Variants in PTPN12 observed in about 807,000 individuals in gnomAD.
The protein encoded by PTPN12 is protein tyrosine phosphatase non-receptor type 12, also known as tyrosine-protein phosphatase non-receptor type 12.
A neutral mutation model predicts 97.6 loss-of-function variants in PTPN12; 29 were observed. That is an observed-to-expected ratio of 0.30 (90% CI 0.22 to 0.41). PTPN12 has a LOEUF of 0.41. Ranked by LOEUF, PTPN12 falls within the 10% of genes least tolerant of loss-of-function variation. The pLI is 1.00. For synonymous variants in PTPN12, 327 were observed against 300.4 expected, an observed-to-expected ratio of 1.09 and a Z score of -0.91; for missense variants, 819 against 926.0, an observed-to-expected ratio of 0.88 and a Z score of 1.50.
chr7:77,601,791 A>G (rs982580963), intron 8 of PTPN12, among the ~76,000 whole-genome samples: 6 of 152,314 alleles, frequency 3.9e-5, no homozygotes, highest in South Asian at 2.1e-4. Flanking sequence ...ACTTCCTGTC[A>G]TATCATGAAA....
intron 12 of PTPN12, among the ~76,000 whole-genome samples, chr7:77,625,239 T>C (rs1188597890): frequency 1.3e-5 from 2 of 151,128 alleles, no homozygotes; most frequent in African/African-American, 4.9e-5. Flanking sequence ...TAGTAAACCC[T>C]ATCTTCTTCT....
intron 12 of PTPN12, among the ~76,000 whole-genome samples, chr7:77,619,770 T>A (rs1174447476): frequency 6.6e-6 from 1 of 152,186 alleles, no homozygotes; most frequent in Non-Finnish European, 1.5e-5. Flanking sequence ...AGTAACAGAT[T>A]TTTTAAGTGT....
chr7:77,625,933 A>G (rs1420170046), intron 12 of PTPN12, among the ~76,000 whole-genome samples: 3 of 152,150 alleles, frequency 2.0e-5, no homozygotes, highest in Non-Finnish European at 2.9e-5. Context: ...ACAAAGGAGT[A>G]TACCCAGAAA....
chr7:77,623,380 G>A (rs1789014378), intron 12 of PTPN12, among the ~76,000 whole-genome samples: 1 of 152,194 alleles, frequency 6.6e-6, no homozygotes, highest in Admixed American at 6.5e-5. Context: ...TACTGTTAAG[G>A]ATATATGGGG....
intron 5 of PTPN12, among the ~76,000 whole-genome samples, chr7:77,589,164 A>G (rs537372405): frequency 2.6e-4 from 39 of 152,260 alleles, no homozygotes; most frequent in African/African-American, 8.4e-4. Flanking sequence ...ATATAATCCC[A>G]TGTAATCCAC....
chr7:77,627,553 C>T lies in PTPN12; in HGVS notation c.1874C>T (p.Ser625Leu). The T allele has an allele frequency of 6.2e-7, 1 of 1,614,050 alleles. No individual in the cohort carries two copies. The change falls in exon 13 of 18, where the codon TCA becomes TTA. Residue 625 changes from serine to leucine, a missense_variant. By Grantham distance (145) the Ser-to-Leu change is moderately radical. Around this residue, in one of 5 missense-constraint regions of PTPN12, gnomAD observed 607 missense variants for 577.3 expected, o/e 1.05. Transcript: ENST00000248594. Reference sequence around the variant, plus strand: ...GTGACCCAGAATAAAACTAATATTTCAACAGCAAGTGCCACAGTTTCTGCT... The same window carrying T: ...GTGACCCAGAATAAAACTAATATTTTAACAGCAAGTGCCACAGTTTCTGCT... ...GAVTQNKTNI[S>L]TASATVSAAT...
At chr7:77,540,616 A>G (rs989042636) in intron 1 of PTPN12, among the ~76,000 whole-genome samples, 1 of 148,400 alleles carries the variant, frequency 6.7e-6, no homozygotes, top group Non-Finnish European at 1.5e-5. Context: ...TACATTAGAG[A>G]TTTGATGACT....
At chr7:77,610,888 T>G in intron 10 of PTPN12, 46 bp downstream of exon 10, 2 of 1,582,372 alleles carry the variant, frequency 1.3e-6, no homozygotes. Flanking sequence ...TTATAAATGC[T>G]TTCTTCTTTT....
intron 1 of PTPN12, among the ~76,000 whole-genome samples, chr7:77,549,454 CTA>C (rs1584093069): frequency 6.6e-6 from 1 of 151,948 alleles, no homozygotes; most frequent in East Asian, 1.9e-4. Flanking sequence ...GTGTAGCAAA[CTA>C]AAATTAAGAT....
At chr7:77,538,537 C>T (rs957394833) in intron 1 of PTPN12, among the ~76,000 whole-genome samples, 1 of 151,924 alleles carries the variant, frequency 6.6e-6, no homozygotes, top group Non-Finnish European at 1.5e-5. Flanking sequence ...CCCAGCGCCC[C>T]CCCGCCTCCG....
Position 77,638,605 on chromosome 7 carries a change from G to A in PTPN12, c.2174-19G>A. On this transcript the variant is annotated intron_variant, in intron 16 of 17. Coordinates refer to ENST00000248594, the MANE Select transcript of PTPN12 (RefSeq NM_002835.4). ...CTACAAAGGATGGTGATTAACAAAG[G>A]CTTTGTGTTGCTACTTAGATCATCC... is the stretch of plus-strand genomic sequence containing the variant. 1.3e-6 allele frequency: 2 copies of A among 1,563,976 alleles called. No homozygotes were observed. The highest frequency in any genetic ancestry group is 1.7e-6 in the Non-Finnish European group (2 of 1,161,242).
intron 1 of PTPN12, among the ~76,000 whole-genome samples, chr7:77,564,746 G>GGTTTTTTTTTTT (rs1808162192): frequency 4.4e-5 from 2 of 45,370 alleles, no homozygotes; most frequent in African/African-American, 1.8e-4. Context: ...TTGTTGTCGT[G>GGTTTTTTTTTTT]TTTTTTTTTT....
chr7:77,571,466 G>C (rs1347934998), intron 2 of PTPN12, among the ~76,000 whole-genome samples: 1 of 151,924 alleles, frequency 6.6e-6, no homozygotes, highest in Non-Finnish European at 1.5e-5. Flanking sequence ...TCAACTCTCT[G>C]TTCAAAGATG....
At chr7:77,603,161 A>C (rs1266856835) in intron 8 of PTPN12, among the ~76,000 whole-genome samples, 2 of 152,198 alleles carry the variant, frequency 1.3e-5, no homozygotes, top group African/African-American at 4.8e-5. Context: ...ATTAAGTAGG[A>C]TTGACCAGTT....
chr7:77,565,504 A>G (rs915807136), intron 1 of PTPN12, among the ~76,000 whole-genome samples: 28 of 152,358 alleles, frequency 1.8e-4, no homozygotes, highest in African/African-American at 5.8e-4. Flanking sequence ...CTATTTGGGC[A>G]TGTTTGTGAT....
Position 77,610,979 on chromosome 7 carries a change from C to A in PTPN12, c.872C>A (p.Ala291Asp). The A allele has an allele frequency of 6.2e-7, 1 of 1,613,206 alleles. No individual in the cohort carries two copies. The highest frequency in any genetic ancestry group is 8.5e-7 in the Non-Finnish European group (1 of 1,179,596). The change falls in exon 11 of 18, where the codon GCC becomes GAC. Residue 291 changes from alanine to aspartate, a missense_variant. By Grantham distance (126) the Ala-to-Asp change is moderately radical. This residue lies in a region of PTPN12 where 607 missense variants were observed against 577.3 expected (regional missense o/e 1.05). Coordinates refer to ENST00000248594, the MANE Select transcript of PTPN12 (RefSeq NM_002835.4). ...EQYELVHRAI[A>D]QLFEKQLQLY... Reference sequence around the variant, plus strand: ...TATGAACTTGTTCATAGAGCTATTGCCCAACTGTTTGAAAAACAGCTACAA... The same window carrying A: ...TATGAACTTGTTCATAGAGCTATTGACCAACTGTTTGAAAAACAGCTACAA...
rs751962814 is a variant in PTPN12 at position 77,605,409 on chromosome 7, G to GTTTTTTTTTTTTTTTTTTTT, written c.696-1817_696-1798dup. 3.1e-5 allele frequency among the ~76,000 whole-genome samples: 3 copies of GTTTTTTTTTTTTTTTTTTTT among 95,560 alleles called. 1 individual carries two copies. Among genetic ancestry groups the GTTTTTTTTTTTTTTTTTTTT allele is most frequent in the African/African-American group, 1.2e-4 (3 of 24,232 alleles). 62.7% of individuals were successfully genotyped at this position (95,560 alleles called of 152,430 possible). Reference sequence around the variant, plus strand: ...TTACTTTAAAATACTTTTGTCATGAGTTTTTTTTTTTTTTTTTTTTTTTTT... The same window carrying GTTTTTTTTTTTTTTTTTTTT: ...TTACTTTAAAATACTTTTGTCATGAGTTTTTTTTTTTTTTTTTTTTTTTTTTTTTTTTTTTTTTTTTTTTT... On this transcript the variant is annotated intron_variant, in intron 8 of 17. Transcript: ENST00000248594.
At chr7:77,554,708 C>T (rs1286186007) in intron 1 of PTPN12, among the ~76,000 whole-genome samples, 1 of 152,174 alleles carries the variant, frequency 6.6e-6, no homozygotes, top group East Asian at 1.9e-4. Context: ...CAGGGTCTTG[C>T]TCTGTCTGTC....
chr7:77,582,566 C>T (rs1008709176), intron 3 of PTPN12, among the ~76,000 whole-genome samples: 2 of 151,914 alleles, frequency 1.3e-5, no homozygotes, highest in African/African-American at 2.4e-5. Context: ...GGTGGATCAC[C>T]TGAGATCAGG....
Sources: allele counts gnomAD v4.1 joint callset (sites outside exome capture counted in the v4.1 genomes callset), GRCh38; gene constraint gnomAD v4.1.1; regional missense constraint gnomAD v4.1.1; transcripts MANE v1.5; gene names NCBI Gene and HGNC (gene_info 2026-07-23, HGNC 2026-07-21).